The following CDH12 variants were observed in gnomAD, a reference collection of about 807,000 sequenced individuals.
CDH12 encodes cadherin 12, also known as cadherin-12.
Under a neutral mutation model 74.1 loss-of-function variants are expected in CDH12, and 41 were observed. The observed-to-expected ratio is 0.55, with a 90% CI of 0.43 to 0.72. The LOEUF is 0.72. CDH12 is among the 30% of genes least tolerant of loss of function. CDH12 has a pLI of 0.00. For synonymous variants in CDH12, 399 were observed against 355.0 expected, an observed-to-expected ratio of 1.12 and a Z score of -1.39; for missense variants, 945 against 977.2, an observed-to-expected ratio of 0.97 and a Z score of 0.44.
At chr5:21,788,278 G>C (rs1465320273) in intron 10 of CDH12, among the ~76,000 whole-genome samples, 2 of 152,140 alleles carry the variant, frequency 1.3e-5, no homozygotes, top group Non-Finnish European at 2.9e-5. Context: ...GCTGACATTA[G>C]AAGGCTATAT....
chr5:21,778,991 C>G (rs1169464464), intron 11 of CDH12, among the ~76,000 whole-genome samples: 2 of 151,650 alleles, frequency 1.3e-5, no homozygotes, highest in African/African-American at 4.8e-5. Context: ...CATAATGATA[C>G]AATTATATGT....
intron 4 of CDH12, among the ~76,000 whole-genome samples, chr5:22,166,557 A>C (rs1748694497): frequency 6.6e-6 from 1 of 152,242 alleles, no homozygotes; most frequent in South Asian, 2.1e-4. Flanking sequence ...AAGTAGGTCA[A>C]TTAGAATAAA....
chr5:22,072,671 C>T (rs2150218551), intron 5 of CDH12, among the ~76,000 whole-genome samples: 1 of 151,680 alleles, frequency 6.6e-6, no homozygotes, highest in African/African-American at 2.4e-5. Context: ...TGTGCTGCAC[C>T]CATTAACTCG....
chr5:22,575,726 T>G (rs761551905), intron 1 of CDH12, among the ~76,000 whole-genome samples: 62 of 151,688 alleles, frequency 4.1e-4, no homozygotes, highest in Non-Finnish European at 8.8e-4. Context: ...CACCACTCCT[T>G]TCTAATTTTC....
intron 3 of CDH12, among the ~76,000 whole-genome samples, chr5:22,375,304 T>G (rs959869930): frequency 3.3e-5 from 5 of 152,112 alleles, no homozygotes; most frequent in Non-Finnish European, 7.4e-5. Context: ...CAATATATAT[T>G]GAAGACTTAC....
chr5:22,360,583 G>T (rs551968843), intron 3 of CDH12, among the ~76,000 whole-genome samples: 1 of 152,098 alleles, frequency 6.6e-6, no homozygotes, highest in African/African-American at 2.4e-5. Flanking sequence ...ATTTTATGAC[G>T]CCAGCATCAT....
At chr5:21,922,308 A>T (rs7380489) in intron 6 of CDH12, among the ~76,000 whole-genome samples, 112,822 of 152,088 alleles carry the variant, frequency 0.74, 44,641 homozygotes, top group East Asian at 0.93. Flanking sequence ...CCAGTGAATA[A>T]GTGTTTGCTA....
At chr5:22,288,845 T>G (rs953286662) in intron 3 of CDH12, among the ~76,000 whole-genome samples, 6 of 152,124 alleles carry the variant, frequency 3.9e-5, no homozygotes, top group South Asian at 2.1e-4. Context: ...AATAACAACT[T>G]AAATCTAAAT....
chr5:22,326,218 C>T (rs1561314836), intron 3 of CDH12, among the ~76,000 whole-genome samples: 1 of 140,704 alleles, frequency 7.1e-6, no homozygotes, highest in African/African-American at 2.6e-5. Context: ...CTGTAATTTC[C>T]CAGTTGGCTA....
intron 8 of CDH12, among the ~76,000 whole-genome samples, chr5:21,832,896 C>T (rs57214064): frequency 1.8e-5 from 1 of 56,706 alleles, no homozygotes; most frequent in Non-Finnish European, 2.8e-5. Context: ...TAATATATAT[C>T]ATATAATATA....
chr5:22,118,596 C>T (rs1425412065), intron 4 of CDH12, among the ~76,000 whole-genome samples: 2 of 151,906 alleles, frequency 1.3e-5, no homozygotes, highest in African/African-American at 4.8e-5. Context: ...ATACCTTTCA[C>T]ACATGAAAAA....
chr5:22,786,247 A>G (rs1052220743), intron 1 of CDH12, among the ~76,000 whole-genome samples: 8 of 152,206 alleles, frequency 5.3e-5, no homozygotes, highest in Non-Finnish European at 1.0e-4. Context: ...TCTCACTTAT[A>G]AGTGGGAGCC....
chr5:22,041,519 C>A (rs1460672383), intron 5 of CDH12, among the ~76,000 whole-genome samples: 1 of 152,046 alleles, frequency 6.6e-6, no homozygotes, highest in Admixed American at 6.6e-5. Context: ...TCACAGGTAG[C>A]TATACTTATA....
intron 1 of CDH12, among the ~76,000 whole-genome samples, chr5:22,816,075 C>G (rs1749381418): frequency 6.6e-6 from 1 of 152,106 alleles, no homozygotes. Flanking sequence ...TTACCAGAAC[C>G]AGAATTTGTA....
intron 1 of CDH12, among the ~76,000 whole-genome samples, chr5:22,605,943 G>C (rs535277690): frequency 9.2e-5 from 14 of 152,338 alleles, no homozygotes; most frequent in African/African-American, 3.4e-4. Flanking sequence ...TGCAAGAGCA[G>C]CATCTCTGTT....
chr5:22,363,553 C>A (rs1183655832), intron 3 of CDH12, among the ~76,000 whole-genome samples: 1 of 152,150 alleles, frequency 6.6e-6, no homozygotes, highest in Non-Finnish European at 1.5e-5. Context: ...TTGAAACTGT[C>A]TTCAAATATG....
At chr5:22,622,677 T>C (rs1309324733) in intron 1 of CDH12, among the ~76,000 whole-genome samples, 5 of 143,110 alleles carry the variant, frequency 3.5e-5, no homozygotes, top group Admixed American at 2.7e-4. Context: ...GAGGCAATAA[T>C]TAGTAGCCTA....
At chr5:22,493,408 T>C (rs1465664704) in intron 2 of CDH12, among the ~76,000 whole-genome samples, 2 of 152,280 alleles carry the variant, frequency 1.3e-5, no homozygotes, top group Admixed American at 6.5e-5. Flanking sequence ...GCATGAAATA[T>C]ATTGAGAAAA....
chr5:22,473,470 A>G (rs1434737338), intron 2 of CDH12, among the ~76,000 whole-genome samples: 1 of 152,152 alleles, frequency 6.6e-6, no homozygotes, highest in Non-Finnish European at 1.5e-5. Flanking sequence ...AAAAGTGCCT[A>G]AAGCACTCAC....
Sources: gnomAD v4.1 joint callset for allele counts (sites outside exome capture counted in the v4.1 genomes callset) on GRCh38, gnomAD v4.1.1 for gene constraint, MANE v1.5 for transcripts, NCBI Gene and HGNC (gene_info 2026-07-23, HGNC 2026-07-21) for gene names.